Variants in TM9SF4 observed in about 807,000 individuals in gnomAD.
TM9SF4 encodes dinucleotide oxidase disulfide thiol exchanger 3 superfamily member 4.
Under a neutral mutation model 90.4 loss-of-function variants are expected in TM9SF4, and 26 were observed. That is an observed-to-expected ratio of 0.29 (90% CI 0.21 to 0.40). TM9SF4 has a LOEUF of 0.40. Among genes scored for constraint, TM9SF4 ranks in the 10% least tolerant of loss-of-function variants. TM9SF4 has a pLI of 1.00. For missense variants in TM9SF4, 549 were observed against 834.8 expected (o/e 0.66, Z 4.22); for synonymous variants, 293 against 315.4 (o/e 0.93, Z 0.75).
chr20:32,160,152 G>C, intron 16 of TM9SF4, 41 bp downstream of exon 16: 1 of 1,613,336 alleles, frequency 6.2e-7, no homozygotes, highest in Non-Finnish European at 8.5e-7. Context: ...GGGAGAACTG[G>C]ATCCAGCATT....
At chr20:32,118,109 T>C (rs1248954492) in intron 1 of TM9SF4, among the ~76,000 whole-genome samples, 1 of 152,182 alleles carries the variant, frequency 6.6e-6, no homozygotes, top group Admixed American at 6.5e-5. Flanking sequence ...AGTCATAGAA[T>C]CATAAAAAGT....
intron 2 of TM9SF4, among the ~76,000 whole-genome samples, chr20:32,134,095 A>G (rs1156308620): frequency 6.6e-6 from 1 of 151,634 alleles, no homozygotes; most frequent in Non-Finnish European, 1.5e-5. Context: ...ATTATCGGGC[A>G]TGAGCCACCA....
chr20:32,115,498 G>T (rs899512523), intron 1 of TM9SF4, among the ~76,000 whole-genome samples: 1 of 152,156 alleles, frequency 6.6e-6, no homozygotes, highest in Non-Finnish European at 1.5e-5. Context: ...CCCAAATGGG[G>T]CATGGATGGG....
chr20:32,111,073 A>G (rs1015103897), intron 1 of TM9SF4, among the ~76,000 whole-genome samples: 1 of 152,128 alleles, frequency 6.6e-6, no homozygotes, highest in African/African-American at 2.4e-5. Context: ...ACTGGTAGCA[A>G]TTTTCCCTCC....
At chr20:32,154,877 T>G (rs894392237) in intron 12 of TM9SF4, among the ~76,000 whole-genome samples, 1 of 152,084 alleles carries the variant, frequency 6.6e-6, no homozygotes. Flanking sequence ...AATATGTAAT[T>G]ACGAACTGGG....
At chr20:32,163,606 A>ATTTTT (rs397866148) in intron 17 of TM9SF4, among the ~76,000 whole-genome samples, 2 of 99,354 alleles carry the variant, frequency 2.0e-5, no homozygotes, top group African/African-American at 4.3e-5. Context: ...TGTGCTAGGA[A>ATTTTT]TTTTTTTTTT....
At chr20:32,117,174 A>G (rs1182679485) in intron 1 of TM9SF4, among the ~76,000 whole-genome samples, 1 of 150,264 alleles carries the variant, frequency 6.7e-6, no homozygotes, top group Non-Finnish European at 1.5e-5. Context: ...CAGTGAGCCA[A>G]GATCATATCA....
rs1326512468 is a variant in TM9SF4, at chr20:32,122,161, C to T, written c.16-10852C>T. On this transcript the variant is annotated intron_variant, in intron 1 of 17. Transcript: ENST00000398022. ...GCAGCTGGCCGGGCGGGGGGGGTGACCCCCCCACCTCCCTCCCGGACGGGG... is the reference window on the plus strand; with the variant it reads ...GCAGCTGGCCGGGCGGGGGGGGTGATCCCCCCACCTCCCTCCCGGACGGGG... 3.6e-5 allele frequency among the ~76,000 whole-genome samples: 5 copies of T among 137,274 alleles called. No individual in the cohort carries two copies. The East Asian group carries it at 1.2e-3, about 32-fold the overall frequency. The allele number at this position is 137,274 out of a possible 152,430, so 90.1% of individuals were successfully genotyped here.
intron 3 of TM9SF4, among the ~76,000 whole-genome samples, chr20:32,140,283 A>C (rs1357396679): frequency 1.0e-5 from 1 of 99,042 alleles, no homozygotes; most frequent in Non-Finnish European, 2.0e-5. Context: ...AGTGCCTGTT[A>C]GGGTGACATC....
chr20:32,152,540 CTTCAAGGA>C (rs2046857996), intron 12 of TM9SF4, among the ~76,000 whole-genome samples: 1 of 152,018 alleles, frequency 6.6e-6, no homozygotes, highest in African/African-American at 2.4e-5. Context: ...ATCTCTGCAT[CTTCAAGGA>C]TTCAGACATC....
At chr20:32,116,836 T>C (rs1248706124) in intron 1 of TM9SF4, among the ~76,000 whole-genome samples, 24 of 150,818 alleles carry the variant, frequency 1.6e-4, no homozygotes, top group African/African-American at 5.8e-4. Context: ...TTTTCTTTTT[T>C]TTTTTTTTCC....
At chr20:32,146,288 T>C (rs1024366345) in intron 8 of TM9SF4, among the ~76,000 whole-genome samples, 1 of 152,124 alleles carries the variant, frequency 6.6e-6, no homozygotes, top group Non-Finnish European at 1.5e-5. Context: ...GGCTCTGTAC[T>C]GTTCAGGGTG....
Position 32,150,874 on chromosome 20 carries a change from G to C in TM9SF4, c.1244G>C (p.Cys415Ser), listed in dbSNP as rs1569096160. 1 of 1,614,174 alleles carries C rather than the reference G, an allele frequency of 6.2e-7. No individual in the cohort carries two copies. The highest frequency in any genetic ancestry group is 8.5e-7 in the Non-Finnish European group (1 of 1,180,026). Reference sequence around the variant, plus strand: ...CATCGGTGGAAGAAAGGAGCCTTCTGTGTGAGTGTCCTAAACCTTCTCTTG... The same window carrying C: ...CATCGGTGGAAGAAAGGAGCCTTCTCTGTGAGTGTCCTAAACCTTCTCTTG... ...KGHRWKKGAF[C>S]TATLYPGVVF... is the part of the protein sequence containing the mutation. The change falls in exon 12 of 18, where the codon TGT (cysteine) becomes TCT (serine). Residue 415 changes from cysteine (C) to serine (S), a missense_variant and splice_region_variant. Transcript: ENST00000398022.
chr20:32,123,139 G>C (rs1319371819), intron 1 of TM9SF4, among the ~76,000 whole-genome samples: 2 of 126,192 alleles, frequency 1.6e-5, no homozygotes, highest in Non-Finnish European at 3.4e-5. Context: ...GCTTCGGCTC[G>C]GCATGAGAGG....
At chr20:32,144,989 C>A in intron 6 of TM9SF4, 102 bp from the exon 7 acceptor site, 2 of 1,013,912 alleles carry the variant, frequency 2.0e-6, no homozygotes, top group South Asian at 2.6e-5. Context: ...ACCCTAGAGG[C>A]TGGGTCTCCG....
rs118169336 is a variant in TM9SF4, at chr20:32,139,456, T to C, written c.230-2041T>C. Among the ~76,000 whole-genome samples the C allele has an allele frequency of 2.9e-3, 434 of 152,276 alleles. 11 individuals carry two copies. In the East Asian group the frequency reaches 0.058, roughly 20 times the overall value. ...ACTGCTTCCCCTGGATTTCACCTCC[T>C]TGGAGCTCCTGAATCTGTGTACTCT... is the stretch of plus-strand genomic sequence containing the variant. On this transcript the variant is annotated intron_variant, in intron 3 of 17. Coordinates refer to ENST00000398022, the MANE Select transcript of TM9SF4 (RefSeq NM_014742.4).
At chr20:32,125,396 G>A (rs2046404538) in intron 1 of TM9SF4, among the ~76,000 whole-genome samples, 1 of 152,188 alleles carries the variant, frequency 6.6e-6, no homozygotes, top group Non-Finnish European at 1.5e-5. Flanking sequence ...GAAGTGGTAG[G>A]TTTGGGATTT....
intron 6 of TM9SF4, among the ~76,000 whole-genome samples, chr20:32,144,223 C>T (rs887461389): frequency 6.6e-6 from 1 of 152,170 alleles, no homozygotes; most frequent in South Asian, 2.1e-4. Context: ...GGATTACAGG[C>T]GTGAGCCACC....
intron 1 of TM9SF4, among the ~76,000 whole-genome samples, chr20:32,126,106 C>CACACAG (rs368553951): frequency 0.044 from 6,502 of 148,666 alleles, 444 homozygotes; most frequent in African/African-American, 0.14. Context: ...CACACACACA[C>CACACAG]AGTAGCCAGA....
Sources: allele counts gnomAD v4.1 joint callset (sites outside exome capture counted in the v4.1 genomes callset), GRCh38; gene constraint gnomAD v4.1.1; transcripts MANE v1.5; gene names NCBI Gene and HGNC (gene_info 2026-07-23, HGNC 2026-07-21).